The following ELSPBP1 variants were observed in gnomAD, a reference collection of about 807,000 sequenced individuals.
ELSPBP1 encodes the protein epididymal sperm binding protein 1.
Under a neutral mutation model 33.3 loss-of-function variants are expected in ELSPBP1, and 38 were observed. That is an observed-to-expected ratio of 1.14 (90% confidence interval 0.88 to 1.50). ELSPBP1 has a LOEUF of 1.50. Among genes scored for constraint, ELSPBP1 ranks in the 40% most tolerant of loss-of-function variants. The probability of loss-of-function intolerance (pLI) is 0.00; values close to 1 mark genes in which losing one functional copy is unlikely to be tolerated. For missense variants in ELSPBP1, 267 were observed against 263.5 expected (o/e 1.01, Z -0.09); for synonymous variants, 85 against 94.1 (o/e 0.90, Z 0.56).
intron 6 of ELSPBP1, among the ~76,000 whole-genome samples, chr19:48,023,909 C>T (rs1337485939): frequency 3.3e-5 from 5 of 151,076 alleles, no homozygotes; most frequent in South Asian, 2.1e-4. Flanking sequence ...CTCACTCTGT[C>T]GCCCAGGCTG....
intron 4 of ELSPBP1, among the ~76,000 whole-genome samples, chr19:48,018,424 A>G (rs1467434964): frequency 2.0e-5 from 3 of 152,220 alleles, no homozygotes; most frequent in Admixed American, 6.5e-5. Flanking sequence ...TGGGCTTTGA[A>G]GTTAGACCCG....
rs746463792 is a variant in ELSPBP1 at position 48,015,903 on chromosome 19, C to T, written c.219C>T (p.Arg73=). The T allele has an allele frequency of 3.1e-6, 5 of 1,609,510 alleles. No individual in the cohort carries two copies. The highest frequency in any genetic ancestry group is 4.3e-6 in the Non-Finnish European group (5 of 1,176,274). ...CTCTGTTCCTAACAGATTACCCACG[C>T]TGTATCTTCCCTTTCATCTATCGAG... ...WKYCQSEDYP[R]CIFPFIYRGK... Residue 73 remains arginine (R), a synonymous_variant, in exon 4 of 7, where the codon CGC becomes CGT. Coordinates refer to ENST00000339841, the MANE Select transcript of ELSPBP1 (RefSeq NM_022142.5).
At chr19:48,023,797 G>A (rs1217171830) in intron 6 of ELSPBP1, among the ~76,000 whole-genome samples, 2 of 151,940 alleles carry the variant, frequency 1.3e-5, no homozygotes, top group African/African-American at 4.8e-5. Context: ...TACCTCCACA[G>A]AACCAACTTT....
Position 48,022,130 on chromosome 19 carries a change from C to T in ELSPBP1, c.515-40C>T, listed in dbSNP as rs766110583. ...CCACGCCTCTACGACAGTGTGAAGC[C>T]TGAGGAGTAACCTTTGTTTTATCCC... On this transcript the variant is annotated intron_variant, in intron 5 of 6. Coordinates refer to ENST00000339841, the MANE Select transcript of ELSPBP1 (RefSeq NM_022142.5). 2.5e-6 allele frequency: 4 copies of T among 1,583,436 alleles called. No homozygotes were observed. The Admixed American group carries it at 7.0e-5, about 28-fold the overall frequency.
intron 4 of ELSPBP1, among the ~76,000 whole-genome samples, chr19:48,017,801 G>A (rs1456975207): frequency 6.6e-6 from 1 of 151,432 alleles, no homozygotes; most frequent in African/African-American, 2.4e-5. Context: ...GGAGGCTGAG[G>A]TGGGAGGATT....
At chr19:47,998,863 G>A (rs185993538) in intron 1 of ELSPBP1, among the ~76,000 whole-genome samples, 33 of 151,692 alleles carry the variant, frequency 2.2e-4, no homozygotes, top group African/African-American at 7.5e-4. Flanking sequence ...AGTCTCAGAC[G>A]AGCTTGTGTA....
intron 6 of ELSPBP1, 114 bp downstream of exon 6, chr19:48,022,448 G>A (rs1390054222): frequency 1.8e-5 from 18 of 982,432 alleles, no homozygotes; most frequent in Non-Finnish European, 2.5e-5. Flanking sequence ...TGTCTGATTA[G>A]CGTCGCTGAT....
intron 1 of ELSPBP1, among the ~76,000 whole-genome samples, chr19:48,000,568 T>C (rs183991244): frequency 1.3e-5 from 2 of 152,198 alleles, no homozygotes; most frequent in African/African-American, 4.8e-5. Flanking sequence ...GTCTCATATA[T>C]AGAAAAGAAA....
chr19:48,003,948 TCTATTC>T (rs1966992976), intron 1 of ELSPBP1, among the ~76,000 whole-genome samples: 2 of 125,150 alleles, frequency 1.6e-5, no homozygotes, highest in African/African-American at 6.1e-5. Context: ...TCTATTCTAT[TCTATTC>T]TATTCTTTTG....
chr19:48,014,754 A>T (rs1967114049), intron 3 of ELSPBP1, among the ~76,000 whole-genome samples: 1 of 102,796 alleles, frequency 9.7e-6, no homozygotes, highest in African/African-American at 3.9e-5. Flanking sequence ...TTCCACAAAT[A>T]AAAAAAAAAG....
intron 3 of ELSPBP1, among the ~76,000 whole-genome samples, chr19:48,015,456 G>A (rs1303724653): frequency 6.6e-6 from 1 of 152,154 alleles, no homozygotes; most frequent in Non-Finnish European, 1.5e-5. Context: ...AGGAGTTCGA[G>A]ACCAGCCTGG....
In ELSPBP1 at chr19:48,011,230, T is replaced by TTGA. The variant is rs138853548; in HGVS notation, c.70+2506_70+2508dup. ...GATGATGAGAATGACAATAATGGGGTTGATGATGATGATGACAATGATTGA... is the reference window on the plus strand; with the variant it reads ...GATGATGAGAATGACAATAATGGGGTTGATGATGATGATGATGACAATGATTGA... On this transcript the variant is annotated intron_variant, in intron 2 of 6. Transcript: ENST00000339841. The surrounding 1 kb of genome is among the most constrained non-coding windows in gnomAD (Gnocchi z 4.5). Among the ~76,000 whole-genome samples the TTGA allele has an allele frequency of 3.4e-5, 5 of 149,154 alleles. No individual in the cohort carries two copies. The East Asian group carries it at 8.1e-4, about 24-fold the overall frequency.
rs191587662 is a variant in ELSPBP1, at chr19:48,015,529, G to A, written c.209-364G>A. On this transcript the variant is annotated intron_variant, in intron 3 of 6. Coordinates refer to ENST00000339841, the MANE Select transcript of ELSPBP1 (RefSeq NM_022142.5). Reference sequence around the variant, plus strand: ...AAAAATTAGCTGGGTGTGGTGGCAGGCATCTGTAATCCCAGCTACTCGGGA... The same window carrying A: ...AAAAATTAGCTGGGTGTGGTGGCAGACATCTGTAATCCCAGCTACTCGGGA... Among the ~76,000 whole-genome samples, 15 of 152,122 alleles carry A rather than the reference G, an allele frequency of 9.9e-5. No individual in the cohort carries two copies. The East Asian group carries it at 2.7e-3, about 27-fold the overall frequency.
chr19:48,001,589 C>T (rs964266842), intron 1 of ELSPBP1, among the ~76,000 whole-genome samples: 15 of 152,034 alleles, frequency 9.9e-5, no homozygotes, highest in African/African-American at 3.6e-4. Context: ...CAGGGTCTGG[C>T]TCTGTCACCC....
At chr19:48,009,762 A>G (rs763943992) in intron 2 of ELSPBP1, among the ~76,000 whole-genome samples, 3 of 152,002 alleles carry the variant, frequency 2.0e-5, no homozygotes, top group Non-Finnish European at 2.9e-5. Context: ...ACAAAATCCA[A>G]ACTATCAGCT....
rs530476964 is a variant in ELSPBP1 at position 48,007,897 on chromosome 19, A to G, written c.-17-754A>G. Among the ~76,000 whole-genome samples the G allele has an allele frequency of 3.9e-5, 6 of 152,368 alleles. No individual in the cohort carries two copies. The South Asian group carries it at 1.2e-3, about 32-fold the overall frequency. Reference sequence around the variant, plus strand: ...ACTTGATTTATGAAAGCCAAGTGACATAAAGTGTGTTGAACATCGAGCCTG... The same window carrying G: ...ACTTGATTTATGAAAGCCAAGTGACGTAAAGTGTGTTGAACATCGAGCCTG... On this transcript the variant is annotated intron_variant, in intron 1 of 6. Coordinates refer to ENST00000339841, the MANE Select transcript of ELSPBP1 (RefSeq NM_022142.5).
intron 6 of ELSPBP1, among the ~76,000 whole-genome samples, chr19:48,023,845 C>G (rs1967240536): frequency 6.6e-6 from 1 of 151,026 alleles, no homozygotes; most frequent in South Asian, 2.1e-4. Flanking sequence ...TTTCTTCTTT[C>G]TTTATTTTTT....
At chr19:47,996,350 G>A (rs1481569753) in intron 1 of ELSPBP1, among the ~76,000 whole-genome samples, 1 of 152,204 alleles carries the variant, frequency 6.6e-6, no homozygotes, top group East Asian at 1.9e-4. Context: ...CTTATGGATG[G>A]TGGGTTTCTT....
chr19:48,017,347 A>G (rs1967153086), intron 4 of ELSPBP1, among the ~76,000 whole-genome samples: 1 of 152,180 alleles, frequency 6.6e-6, no homozygotes, highest in Admixed American at 6.5e-5. Context: ...CTAATCATCC[A>G]CCATTTGTGT....
Sources: allele counts gnomAD v4.1 joint callset (sites outside exome capture counted in the v4.1 genomes callset), GRCh38; gene constraint gnomAD v4.1.1; non-coding constraint Gnocchi (gnomAD v3.1); transcripts MANE v1.5; gene names NCBI Gene and HGNC (gene_info 2026-07-23, HGNC 2026-07-21).